PCDHGB3: variants seen among roughly 807,000 people sequenced by gnomAD.
PCDHGB3 encodes protocadherin gamma subfamily B, 3, also known as protocadherin gamma-B3.
PCDHGB3 carries 40 observed loss-of-function variants against 59.2 expected under a neutral mutation model. The observed-to-expected ratio is 0.68, with a 90% CI of 0.52 to 0.88. The LOEUF (loss-of-function observed/expected upper bound fraction) is 0.88, where lower values mean the gene tolerates loss of function less well. Among genes scored for constraint, PCDHGB3 ranks in the 40% least tolerant of loss-of-function variants. PCDHGB3 has a pLI of 0.00. For synonymous variants in PCDHGB3, 581 were observed against 503.6 expected (o/e 1.15, Z -2.06); for missense variants, 1,309 against 1,187.9 (o/e 1.10, Z -1.50).
rs909174523 is a variant in PCDHGB3 at position 141,474,102 on chromosome 5, A to AAAC, written c.2416-20695_2416-20693dup. 2.6e-5 allele frequency among the ~76,000 whole-genome samples: 4 copies of AAAC among 152,286 alleles called. No homozygotes were observed. In the East Asian group the frequency reaches 7.7e-4, roughly 29 times the overall value. ...AAAACCAAAAAACAAACAACAACAA[A>AAAC]AACAACAACAACGAAAATCTCAGAA... is the stretch of plus-strand genomic sequence containing the variant. On this transcript the variant is annotated intron_variant, in intron 1 of 3. Coordinates refer to ENST00000576222, the MANE Select transcript of PCDHGB3 (RefSeq NM_018924.5).
rs1462148828 is a variant in PCDHGB3 at position 141,392,863 on chromosome 5, G to A, written c.2415+20054G>A. On this transcript the variant is annotated intron_variant, in intron 1 of 3. Transcript: ENST00000576222. ...AGACGCGGCGAGCTGATCCTGCTGT[G>A]CGCGCTGCTGGGAACGCTGTGGGAA... 3 of 1,612,774 alleles carry A rather than the reference G, an allele frequency of 1.9e-6. No individual in the cohort carries two copies. Among genetic ancestry groups the A allele is most frequent in the African/African-American group, 2.7e-5 (2 of 74,930 alleles).
intron 1 of PCDHGB3, among the ~76,000 whole-genome samples, chr5:141,467,824 G>A (rs1272399938): frequency 2.0e-5 from 3 of 151,798 alleles, no homozygotes; most frequent in Non-Finnish European, 4.4e-5. Flanking sequence ...ACACCAGGCT[G>A]ATTTTTATAT....
At chr5:141,428,099 C>G (rs1304120001) in intron 1 of PCDHGB3, 4 of 1,608,710 alleles carry the variant, frequency 2.5e-6, no homozygotes, top group Non-Finnish European at 2.5e-6. Flanking sequence ...TGTCCTACCA[C>G]GTGCTGCAGG....
At chr5:141,494,759 C>G (rs776923097) in intron 1 of PCDHGB3, 48 bp from the exon 2 acceptor site, 2 of 1,613,886 alleles carry the variant, frequency 1.2e-6, no homozygotes, top group Middle Eastern at 1.6e-4. Flanking sequence ...GGGTGACATT[C>G]TAACTTCTCA....
At position 141,487,700 on chromosome 5, in the gene PCDHGB3, C is replaced by A; in HGVS notation, c.2416-7107C>A. On this transcript the variant is annotated intron_variant, in intron 1 of 3. Coordinates refer to ENST00000576222, the MANE Select transcript of PCDHGB3 (RefSeq NM_018924.5). This position sits in a 1 kb window ranked among gnomAD's most constrained non-coding sequence, Gnocchi z 5.0. ...AGGCCATGTCCTAGAGAGTACTGGCCTCTCAGTAAGTGCCCATAGTGATGT... is the reference window on the plus strand; with the variant it reads ...AGGCCATGTCCTAGAGAGTACTGGCATCTCAGTAAGTGCCCATAGTGATGT... The A allele has an allele frequency of 6.3e-7, 1 of 1,597,514 alleles. No homozygotes were observed. Among genetic ancestry groups the A allele is most frequent in the African/African-American group, 1.3e-5 (1 of 74,868 alleles).
rs746913952 is a variant in PCDHGB3, at chr5:141,432,898, G to A, written c.2415+60089G>A. The A allele has an allele frequency of 1.2e-6, 2 of 1,614,174 alleles. No homozygotes were observed. Among genetic ancestry groups the A allele is most frequent in the South Asian group, 1.1e-5 (1 of 91,090 alleles). On this transcript the variant is annotated intron_variant, in intron 1 of 3. Transcript: ENST00000576222. This position sits in a 1 kb window ranked among gnomAD's most constrained non-coding sequence, Gnocchi z 6.0. ...TGGCCTTCGTCATCTTGCTGCTGGC[G>A]CTCAGGCTGCGGCGCTGGCACAAGT...
chr5:141,381,197 G>A (rs775518407), intron 1 of PCDHGB3, among the ~76,000 whole-genome samples: 1 of 152,232 alleles, frequency 6.6e-6, no homozygotes, highest in African/African-American at 2.4e-5. Context: ...CTTTCTTAGT[G>A]TTAGTTCTGG....
Position 141,387,890 on chromosome 5 carries a change from G to A in PCDHGB3, c.2415+15081G>A, listed in dbSNP as rs541321171. On this transcript the variant is annotated intron_variant, in intron 1 of 3. Coordinates refer to ENST00000576222, the MANE Select transcript of PCDHGB3 (RefSeq NM_018924.5). ...AGCTGAGGAGAGCAAGAGGGATGGG[G>A]AGCGGCGCCGGGGAGCTGGGCCGGG... The A allele has an allele frequency of 1.9e-6, 3 of 1,554,976 alleles. No homozygotes were observed. The South Asian group carries it at 3.7e-5, about 19-fold the overall frequency.
At chr5:141,403,218 G>A in intron 1 of PCDHGB3, 1 of 1,613,968 alleles carries the variant, frequency 6.2e-7, no homozygotes. Flanking sequence ...ACCGCGGGTA[G>A]GATAGACCGG....
intron 1 of PCDHGB3, chr5:141,388,629 G>T (rs755930967): frequency 6.2e-7 from 1 of 1,613,942 alleles, no homozygotes. Context: ...CGTATACAGG[G>T]TGAGCCTTTC....
At chr5:141,408,558 T>A (rs748858215) in intron 1 of PCDHGB3, 48 of 1,613,898 alleles carry the variant, frequency 3.0e-5, no homozygotes, top group Non-Finnish European at 5.9e-6. Context: ...ATTTTTCATG[T>A]CATTGTGGTG....
chr5:141,504,287 T>C (rs1191226511), intron 2 of PCDHGB3, among the ~76,000 whole-genome samples: 2 of 152,166 alleles, frequency 1.3e-5, no homozygotes, highest in Non-Finnish European at 2.9e-5. Flanking sequence ...AATCATTTCA[T>C]GTTTTTTCAA....
At chr5:141,418,646 A>C (rs986717136) in intron 1 of PCDHGB3, 2 of 1,614,010 alleles carry the variant, frequency 1.2e-6, no homozygotes, top group Admixed American at 3.3e-5. Context: ...CTCCATCCTG[A>C]GAGTGAAGGC....
chr5:141,422,703 G>A (rs1473348513), intron 1 of PCDHGB3: 1 of 1,603,132 alleles, frequency 6.2e-7, no homozygotes, highest in Admixed American at 1.7e-5. Context: ...CTTACTCTCT[G>A]ACGGATGACA....
intron 1 of PCDHGB3, chr5:141,421,745 T>C: frequency 6.2e-7 from 1 of 1,613,950 alleles, no homozygotes; most frequent in Non-Finnish European, 8.5e-7. Flanking sequence ...AGCTACCAGC[T>C]CAGCCCTAAT....
intron 1 of PCDHGB3, chr5:141,415,426 C>T: frequency 6.2e-7 from 1 of 1,614,194 alleles, no homozygotes; most frequent in Non-Finnish European, 8.5e-7. Flanking sequence ...GGACGGGGTT[C>T]GGGCTTTCCT....
chr5:141,400,155 A>C lies in PCDHGB3; in HGVS notation c.2415+27346A>C, dbSNP rs756922498. The C allele has an allele frequency of 5.0e-6, 8 of 1,613,966 alleles. 1 individual carries two copies. The South Asian group carries it at 6.6e-5, about 13-fold the overall frequency. ...TGCCGGATATCACTGACCGCCCTGT[A>C]CCCTCTGACCCCCAGGCTGAGCTGC... On this transcript the variant is annotated intron_variant, in intron 1 of 3. Transcript: ENST00000576222.
chr5:141,482,102 A>T (rs1016315214), intron 1 of PCDHGB3, among the ~76,000 whole-genome samples: 13 of 151,860 alleles, frequency 8.6e-5, no homozygotes, highest in African/African-American at 2.7e-4. Context: ...AAAAAAAAAA[A>T]AAATATCTAG....
Position 141,432,097 on chromosome 5 carries a change from C to A in PCDHGB3, c.2415+59288C>A. The A allele has an allele frequency of 1.9e-6, 3 of 1,614,184 alleles. No individual in the cohort carries two copies. Among genetic ancestry groups the A allele is most frequent in the Non-Finnish European group, 1.7e-6 (2 of 1,180,034 alleles). On this transcript the variant is annotated intron_variant, in intron 1 of 3. Transcript: ENST00000576222. This position sits in a 1 kb window ranked among gnomAD's most constrained non-coding sequence, Gnocchi z 6.0. ...TCTCGCTGAACGTGGCAGACACCAA[C>A]GACAACCCGCCGGTCTTCCCTCAGG...
Sources: gnomAD v4.1 joint callset for allele counts (sites outside exome capture counted in the v4.1 genomes callset) on GRCh38, gnomAD v4.1.1 for gene constraint, Gnocchi (gnomAD v3.1) non-coding constraint, MANE v1.5 for transcripts, NCBI Gene and HGNC (gene_info 2026-07-23, HGNC 2026-07-21) for gene names.